TMBIM6: variants seen among roughly 807,000 people sequenced by gnomAD.
TMBIM6 encodes bax inhibitor 1.
A neutral mutation model predicts 31.4 loss-of-function variants in TMBIM6; 13 were observed. That is an observed-to-expected ratio of 0.41 (90% CI 0.27 to 0.66). TMBIM6 has a LOEUF of 0.66. TMBIM6 is among the 30% of genes least tolerant of loss of function. TMBIM6 has a pLI of 0.28. For missense variants in TMBIM6, 275 were observed against 289.5 expected (o/e 0.95, Z 0.36); for synonymous variants, 85 against 101.7 (o/e 0.84, Z 0.99).
Position 49,764,376 on chromosome 12 carries a change from A to G in TMBIM6, c.*1480A>G, listed in dbSNP as rs1469416409. 6.6e-6 allele frequency: 1 copy of G among 152,194 alleles called. No homozygotes were observed. The highest frequency in any genetic ancestry group is 2.4e-5 in the African/African-American group (1 of 41,442). 9.4% of individuals were successfully genotyped at this position (152,194 alleles called of 1,614,324 possible). On this transcript the variant is annotated 3_prime_UTR_variant, in exon 10 of 10. Transcript: ENST00000267115. ...GTGCACAGTTTGACACAGTGGCCTC[A>G]GGTTCACAGTGCACCATGTCACTGT...
intron 4 of TMBIM6, among the ~76,000 whole-genome samples, chr12:49,756,318 TAG>T (rs1241734180): frequency 6.6e-6 from 1 of 151,464 alleles, no homozygotes; most frequent in Non-Finnish European, 1.5e-5. Context: ...GTATTTTTAG[TAG>T]AGATGGGGTT....
rs748274001 is a variant in TMBIM6 at position 49,758,486 on chromosome 12, T to G, written c.433+6T>G. 6.2e-7 allele frequency: 1 copy of G among 1,613,984 alleles called. No individual in the cohort carries two copies. The highest frequency in any genetic ancestry group is 8.5e-7 in the Non-Finnish European group (1 of 1,179,840). Reference sequence around the variant, plus strand: ...TAGCTACCTCTTTCTGGGAGGTAAGTGTGAACTGGGAAACAGGGAATGGGG... The same window carrying G: ...TAGCTACCTCTTTCTGGGAGGTAAGGGTGAACTGGGAAACAGGGAATGGGG... On this transcript the variant is annotated splice_donor_region_variant and intron_variant, in intron 6 of 9. Coordinates refer to ENST00000267115, the MANE Select transcript of TMBIM6 (RefSeq NM_003217.3).
chr12:49,741,775 A>C (rs1945298675), intron 1 of TMBIM6, 164 bp downstream of exon 1: 1 of 246,694 alleles, frequency 4.1e-6, no homozygotes, highest in Admixed American at 5.2e-5. Context: ...CAGGGTGTGG[A>C]GGGAAGCTAG....
chr12:49,751,210 T>C (rs1039476734), intron 1 of TMBIM6, among the ~76,000 whole-genome samples: 9 of 152,184 alleles, frequency 5.9e-5, no homozygotes, highest in African/African-American at 2.2e-4. Context: ...AAAATGCCCT[T>C]TTTGACATTG....
chr12:49,760,108 T>C (rs1229418676), intron 8 of TMBIM6, among the ~76,000 whole-genome samples: 1 of 125,882 alleles, frequency 7.9e-6, no homozygotes, highest in Non-Finnish European at 1.6e-5. Context: ...CGAGACTCCT[T>C]CTCAAAAAAA....
At chr12:49,762,485 A>G (rs1224685809) in intron 9 of TMBIM6, among the ~76,000 whole-genome samples, 1 of 152,196 alleles carries the variant, frequency 6.6e-6, no homozygotes, top group Non-Finnish European at 1.5e-5. Flanking sequence ...TGCAGGGTGG[A>G]GCACTTCTCG....
At chr12:49,756,653 C>A (rs1945602037) in intron 4 of TMBIM6, among the ~76,000 whole-genome samples, 1 of 151,346 alleles carries the variant, frequency 6.6e-6, no homozygotes, top group Non-Finnish European at 1.5e-5. Flanking sequence ...TCTTGATCTC[C>A]TGACCTCGTG....
chr12:49,754,628 A>G (rs895956198), intron 3 of TMBIM6, among the ~76,000 whole-genome samples: 2 of 152,222 alleles, frequency 1.3e-5, no homozygotes, highest in African/African-American at 4.8e-5. Context: ...TTTATAACAT[A>G]AACACTGAAT....
intron 4 of TMBIM6, 62 bp downstream of exon 4, chr12:49,755,817 G>GT: frequency 6.8e-7 from 1 of 1,474,560 alleles, no homozygotes; most frequent in Non-Finnish European, 9.1e-7. Flanking sequence ...CTCTTAATTA[G>GT]TTCCCCCCCC....
chr12:49,755,905 C>A, intron 4 of TMBIM6, 150 bp downstream of exon 4: 1 of 896,212 alleles, frequency 1.1e-6, no homozygotes, highest in Non-Finnish European at 1.6e-6. Context: ...TTGATCTTGG[C>A]TCACTGCAAG....
intron 7 of TMBIM6, 44 bp downstream of exon 7, chr12:49,758,806 C>T: frequency 2.9e-6 from 4 of 1,384,406 alleles, no homozygotes; most frequent in Non-Finnish European, 4.0e-6. Flanking sequence ...TTGCCTCACA[C>T]TTCTTTCTTT....
rs745472537 is a variant in TMBIM6, at chr12:49,755,619, A to T, written c.166-16A>T. Reference sequence around the variant, plus strand: ...CTTTCAAGTGTTTAATGATTGATTGATTCTGACTCTAACAGGCTGGCCTGC... The same window carrying T: ...CTTTCAAGTGTTTAATGATTGATTGTTTCTGACTCTAACAGGCTGGCCTGC... On this transcript the variant is annotated splice_polypyrimidine_tract_variant and intron_variant, in intron 3 of 9. Coordinates refer to ENST00000267115, the MANE Select transcript of TMBIM6 (RefSeq NM_003217.3). 7 of 1,610,004 alleles carry T rather than the reference A, an allele frequency of 4.3e-6. No homozygotes were observed. The highest frequency in any genetic ancestry group is 5.9e-6 in the Non-Finnish European group (7 of 1,178,816).
chr12:49,755,578 C>T, intron 3 of TMBIM6, 57 bp from the exon 4 acceptor site: 4 of 1,598,590 alleles, frequency 2.5e-6, no homozygotes, highest in Non-Finnish European at 3.4e-6. Context: ...AGGTCTCTTG[C>T]AAAATAAATT....
Position 49,755,723 on chromosome 12 carries a change from T to C in TMBIM6, c.254T>C (p.Leu85Pro). Residue 85 changes from leucine (L) to proline (P), a missense_variant, in exon 4 of 10, where the codon CTG becomes CCG. Transcript: ENST00000267115. ...PHSHETEQKR[L>P]GLLAGFAFLT... is the part of the protein sequence containing the mutation. The stretch of plus-strand genomic sequence containing the variant: ...AGCCATGAAACTGAACAGAAAAGAC[T>C]GGGACTTCTTGCTGGATTTGCATTC... The C allele has an allele frequency of 6.2e-7, 1 of 1,614,174 alleles. No individual in the cohort carries two copies. The highest frequency in any genetic ancestry group is 8.5e-7 in the Non-Finnish European group (1 of 1,179,996).
intron 9 of TMBIM6, among the ~76,000 whole-genome samples, chr12:49,762,567 C>A (rs576332543): frequency 9.9e-5 from 15 of 152,278 alleles, no homozygotes; most frequent in South Asian, 6.2e-4. Context: ...CTGCAGCCTT[C>A]ACTGTTGGGA....
At chr12:49,760,097 G>A (rs1945685385) in intron 8 of TMBIM6, among the ~76,000 whole-genome samples, 1 of 143,898 alleles carries the variant, frequency 6.9e-6, no homozygotes, top group Non-Finnish European at 1.5e-5. Flanking sequence ...GGACGACAGA[G>A]CGAGACTCCT....
Position 49,752,546 on chromosome 12 carries a change from A to C in TMBIM6, c.53A>C (p.His18Pro), listed in dbSNP as rs753372335. ...INFDALLKFS[H>P]ITPSTQQHLK... is the part of the protein sequence containing the mutation. ...TTTGATGCGCTTTTAAAATTTTCTC[A>C]TATGTAAGTGTTTTGACCTTGACTG... The change falls in exon 2 of 10, where the codon CAT becomes CCT. Residue 18 changes from histidine (H) to proline (P), a missense_variant. His to Pro is a moderately conservative substitution (Grantham distance 77). Transcript: ENST00000267115. 3 of 1,612,420 alleles carry C rather than the reference A, an allele frequency of 1.9e-6. No individual in the cohort carries two copies. Among genetic ancestry groups the C allele is most frequent in the South Asian group, 1.1e-5 (1 of 90,990 alleles).
intron 1 of TMBIM6, among the ~76,000 whole-genome samples, chr12:49,747,843 A>G (rs755405428): frequency 5.3e-5 from 8 of 152,070 alleles, no homozygotes; most frequent in Non-Finnish European, 7.4e-5. Context: ...AGCATGTTTC[A>G]TGTTCACTGT....
chr12:49,749,938 A>G (rs1167933521), intron 1 of TMBIM6: 1 of 152,138 alleles, frequency 6.6e-6, no homozygotes, highest in Non-Finnish European at 1.5e-5. Flanking sequence ...TTTTGCGTCT[A>G]TAATATTTGG....
Sources: gnomAD v4.1 joint callset for allele counts (sites outside exome capture counted in the v4.1 genomes callset) on GRCh38, gnomAD v4.1.1 for gene constraint, MANE v1.5 for transcripts, NCBI Gene and HGNC (gene_info 2026-07-23, HGNC 2026-07-21) for gene names.